Variants in BSND observed in about 807,000 individuals in gnomAD.
BSND encodes barttin CLCNK type accessory subunit beta.
A neutral mutation model predicts 18.8 loss-of-function variants in BSND; 13 were observed. That is an observed-to-expected ratio of 0.69 (90% CI 0.45 to 1.10). The LOEUF is 1.10. Ranked by LOEUF, BSND falls within the 50% of genes least tolerant of loss-of-function variation. BSND has a pLI of 0.00. For missense variants in BSND, 379 were observed against 416.7 expected (o/e 0.91, Z 0.79); for synonymous variants, 170 against 161.8 (o/e 1.05, Z -0.39).
chr1:55,008,116 G>T, intron 3 of BSND, 98 bp from the exon 4 acceptor site: 5 of 1,025,960 alleles, frequency 4.9e-6, no homozygotes, highest in Non-Finnish European at 4.4e-6. Flanking sequence ...CGGGAAGGTG[G>T]ATTATCCTAC....
At chr1:55,005,846 T>C (rs565011550) in intron 2 of BSND, among the ~76,000 whole-genome samples, 5 of 152,152 alleles carry the variant, frequency 3.3e-5, no homozygotes, top group Admixed American at 1.3e-4. Flanking sequence ...GGGGAGTCAG[T>C]GATGGAAGCC....
At chr1:55,007,732 C>A (rs1391154608) in intron 3 of BSND, among the ~76,000 whole-genome samples, 1 of 151,538 alleles carries the variant, frequency 6.6e-6, no homozygotes, top group African/African-American at 2.4e-5. Context: ...CACTCCACTC[C>A]CATCCCTGTC....
At chr1:55,000,191 T>C (rs1336157220) in intron 1 of BSND, among the ~76,000 whole-genome samples, 1 of 152,194 alleles carries the variant, frequency 6.6e-6, no homozygotes, top group Non-Finnish European at 1.5e-5. Context: ...GTGTTATTTA[T>C]AGATGAAGGG....
rs1644441824 is a variant in BSND, at chr1:55,014,824, C to T, written c.*6196C>T. Among the ~76,000 whole-genome samples, 2 of 152,154 alleles carry T rather than the reference C, an allele frequency of 1.3e-5. No homozygotes were observed. Among genetic ancestry groups the T allele is most frequent in the Admixed American group, 6.5e-5 (1 of 15,280 alleles). ...TGTTTTTCTTAAATGAGTTATCAAA[C>T]ATTGGATAGCTGGTAGGCAACCCAG... is the stretch of plus-strand genomic sequence containing the variant. On this transcript the variant is annotated 3_prime_UTR_variant, in exon 4 of 4. Coordinates refer to ENST00000651561, the MANE Select transcript of BSND (RefSeq NM_057176.3).
At position 55,008,675 on chromosome 1, in the gene BSND, T is replaced by C; in HGVS notation, c.*47T>C. ...CTAGTCTGGAACTGCTGCTGACCCCTGTGTGACATCACAGGGCCTCAGTTT... is the reference window on the plus strand; with the variant it reads ...CTAGTCTGGAACTGCTGCTGACCCCCGTGTGACATCACAGGGCCTCAGTTT... On this transcript the variant is annotated 3_prime_UTR_variant, in exon 4 of 4. Coordinates refer to ENST00000651561, the MANE Select transcript of BSND (RefSeq NM_057176.3). The C allele has an allele frequency of 6.2e-7, 1 of 1,613,534 alleles. No homozygotes were observed. Among genetic ancestry groups the C allele is most frequent in the Non-Finnish European group, 8.5e-7 (1 of 1,179,910 alleles).
intron 1 of BSND, among the ~76,000 whole-genome samples, chr1:55,002,365 G>A (rs986404909): frequency 6.6e-6 from 1 of 152,212 alleles, no homozygotes; most frequent in African/African-American, 2.4e-5. Flanking sequence ...TGGGGCAGGG[G>A]AGCTGTGAGC....
In BSND at chr1:55,015,707, G is replaced by T. The variant is rs139587723; in HGVS notation, c.*7079G>T. Reference sequence around the variant, plus strand: ...TGTGCCACCCCCTGTGCTAGGTACTGGGGGAAGAGACATGCATCTGACCCA... The same window carrying T: ...TGTGCCACCCCCTGTGCTAGGTACTTGGGGAAGAGACATGCATCTGACCCA... On this transcript the variant is annotated 3_prime_UTR_variant, in exon 4 of 4. Transcript: ENST00000651561. 6.6e-6 allele frequency among the ~76,000 whole-genome samples: 1 copy of T among 152,292 alleles called. No individual in the cohort carries two copies. The highest frequency in any genetic ancestry group is 2.4e-5 in the African/African-American group (1 of 41,570).
Position 55,014,323 on chromosome 1 carries a change from G to A in BSND, c.*5695G>A, listed in dbSNP as rs1206807346. 6.6e-6 allele frequency among the ~76,000 whole-genome samples: 1 copy of A among 152,200 alleles called. No individual in the cohort carries two copies. The highest frequency in any genetic ancestry group is 1.5e-5 in the Non-Finnish European group (1 of 68,026). On this transcript the variant is annotated 3_prime_UTR_variant, in exon 4 of 4. Transcript: ENST00000651561. ...GGGTTTGAGACTAGGCTTCCCTACT[G>A]GCCAGCTCTGTGACTTTGGCCAGGA...
chr1:55,003,035 GA>G (rs1214392838), intron 1 of BSND, among the ~76,000 whole-genome samples: 3 of 5,832 alleles, frequency 5.1e-4, no homozygotes, highest in African/African-American at 7.6e-4. Context: ...TGATGATGAT[GA>G]TGATAGTGAT....
At chr1:54,999,426 C>T in intron 1 of BSND, 63 bp downstream of exon 1, 1 of 1,520,850 alleles carries the variant, frequency 6.6e-7, no homozygotes, top group Non-Finnish European at 8.9e-7. Context: ...GGACACTGTG[C>T]CTGTATGCCA....
At chr1:54,999,402 G>C in intron 1 of BSND, 39 bp downstream of exon 1, 4 of 1,580,274 alleles carry the variant, frequency 2.5e-6, no homozygotes, top group Non-Finnish European at 3.4e-6. Flanking sequence ...AGGTCAGCTG[G>C]GGCCAGGAGG....
chr1:55,006,735 T>C (rs138372697), intron 2 of BSND, among the ~76,000 whole-genome samples: 5 of 152,332 alleles, frequency 3.3e-5, no homozygotes, highest in Non-Finnish European at 7.3e-5. Context: ...AATTGCATCC[T>C]TGTGGTTAAC....
At position 55,008,749 on chromosome 1, in the gene BSND, T is replaced by C; in HGVS notation, c.*121T>C. On this transcript the variant is annotated 3_prime_UTR_variant, in exon 4 of 4. Transcript: ENST00000651561. ...ATGGAGGTTCAATGAGATGGTGGCA[T>C]TTTGAGAATGGTAAAGAAATACACA... 1.4e-6 allele frequency: 2 copies of C among 1,416,076 alleles called. No individual in the cohort carries two copies. Among genetic ancestry groups the C allele is most frequent in the Non-Finnish European group, 2.0e-6 (2 of 1,012,402 alleles). 87.7% of individuals were successfully genotyped at this position (1,416,076 alleles called of 1,614,324 possible). A position where few individuals can be genotyped will look rare whatever the true frequency, so the allele number is the denominator to read the frequency against.
chr1:55,008,838 C>A lies in BSND; in HGVS notation c.*210C>A. 2 of 713,188 alleles carry A rather than the reference C, an allele frequency of 2.8e-6. No individual in the cohort carries two copies. The highest frequency in any genetic ancestry group is 5.5e-5 in the East Asian group (2 of 36,402). 44.2% of individuals were successfully genotyped at this position (713,188 alleles called of 1,614,324 possible). A position where few individuals can be genotyped will look rare whatever the true frequency, so the allele number is the denominator to read the frequency against. ...CAATAGTTAGTGGTCTTTGGCCAAC[C>A]TTTGAAGGCAAAATATGATTTGTTG... On this transcript the variant is annotated 3_prime_UTR_variant, in exon 4 of 4. Coordinates refer to ENST00000651561, the MANE Select transcript of BSND (RefSeq NM_057176.3).
chr1:55,008,761 T>TAAAG lies in BSND; in HGVS notation c.*137_*140dup. 1 of 1,326,968 alleles carries TAAAG rather than the reference T, an allele frequency of 7.5e-7. No homozygotes were observed. Among genetic ancestry groups the TAAAG allele is most frequent in the Non-Finnish European group, 1.1e-6 (1 of 939,106 alleles). The allele number at this position is 1,326,968 out of a possible 1,614,324, so 82.2% of individuals were successfully genotyped here. A position where few individuals can be genotyped will look rare whatever the true frequency, so the allele number is the denominator to read the frequency against. ...TGAGATGGTGGCATTTTGAGAATGG[T>TAAAG]AAAGAAATACACAGGGAGGGGATGA... is the stretch of plus-strand genomic sequence containing the variant. On this transcript the variant is annotated 3_prime_UTR_variant, in exon 4 of 4. Coordinates refer to ENST00000651561, the MANE Select transcript of BSND (RefSeq NM_057176.3).
rs1644453432 is a variant in BSND, at chr1:55,016,770, C to A, written c.*8142C>A. Among the ~76,000 whole-genome samples the A allele has an allele frequency of 6.6e-6, 1 of 152,182 alleles. No homozygotes were observed. Among genetic ancestry groups the A allele is most frequent in the Non-Finnish European group, 1.5e-5 (1 of 68,046 alleles). Reference sequence around the variant, plus strand: ...AATTTACCCTAAGGAAGAAATCAGACAACTGTGCTAGACTATACTTACAGA... The same window carrying A: ...AATTTACCCTAAGGAAGAAATCAGAAAACTGTGCTAGACTATACTTACAGA... On this transcript the variant is annotated 3_prime_UTR_variant, in exon 4 of 4. Transcript: ENST00000651561.
intron 2 of BSND, among the ~76,000 whole-genome samples, chr1:55,005,679 G>C (rs1644386058): frequency 6.6e-6 from 1 of 152,362 alleles, no homozygotes; most frequent in Non-Finnish European, 1.5e-5. Flanking sequence ...ATGAGTGTTT[G>C]TCATCATTAG....
rs1427932193 is a variant in BSND at position 55,012,288 on chromosome 1, T to A, written c.*3660T>A. On this transcript the variant is annotated 3_prime_UTR_variant, in exon 4 of 4. Transcript: ENST00000651561. ...CCTGAGCACTGTGTGCCTGTCACCA[T>A]GCAAGACACCGTCACCCCTATTACC... Among the ~76,000 whole-genome samples, 1 of 152,182 alleles carries A rather than the reference T, an allele frequency of 6.6e-6. No homozygotes were observed. The highest frequency in any genetic ancestry group is 1.5e-5 in the Non-Finnish European group (1 of 68,018).
In BSND at chr1:54,999,195, C is replaced by T. The variant is rs141111550; in HGVS notation, c.9C>T (p.Asp3=). The T allele has an allele frequency of 5.2e-5, 84 of 1,613,978 alleles. No individual in the cohort carries two copies. The highest frequency in any genetic ancestry group is 4.9e-4 in the African/African-American group (37 of 74,936). Residue 3 remains aspartate (D), a synonymous_variant, in exon 1 of 4, where the codon GAC becomes GAT. Coordinates refer to ENST00000651561, the MANE Select transcript of BSND (RefSeq NM_057176.3). The stretch of plus-strand genomic sequence containing the variant: ...GGACTGGCCAGGCAGCCATGGCTGA[C>T]GAGAAGACCTTCCGGATCGGCTTCA... MA[D]EKTFRIGFIV... is the part of the protein sequence containing the mutation.
Sources: gnomAD v4.1 joint callset for allele counts (sites outside exome capture counted in the v4.1 genomes callset) on GRCh38, gnomAD v4.1.1 for gene constraint, MANE v1.5 for transcripts, NCBI Gene and HGNC (gene_info 2026-07-23, HGNC 2026-07-21) for gene names.